The following ZC3H3 variants were observed in gnomAD, a reference collection of about 807,000 sequenced individuals.
ZC3H3 encodes the protein zinc finger CCCH domain-containing protein 3.
A neutral mutation model predicts 77.3 loss-of-function variants in ZC3H3; 36 were observed. The ratio of observed to expected loss-of-function variants is 0.47; its 90% CI spans 0.36 to 0.61. ZC3H3 has a LOEUF of 0.61. Ranked by LOEUF, ZC3H3 falls within the 20% of genes least tolerant of loss-of-function variation. The pLI, the probability that ZC3H3 is intolerant of heterozygous loss-of-function variation, is 0.00. For synonymous variants in ZC3H3, 626 were observed against 555.2 expected, an observed-to-expected ratio of 1.13 and a Z score of -1.79; for missense variants, 1,331 against 1,312.2, an observed-to-expected ratio of 1.01 and a Z score of -0.22.
intron 9 of ZC3H3, among the ~76,000 whole-genome samples, chr8:143,458,542 C>T (rs879200770): frequency 1.5e-5 from 1 of 65,978 alleles, no homozygotes; most frequent in Non-Finnish European, 3.3e-5. Flanking sequence ...CAGTGGCTCA[C>T]GCCTGTAACC....
intron 9 of ZC3H3, among the ~76,000 whole-genome samples, chr8:143,456,618 C>A (rs920928545): frequency 2.0e-4 from 31 of 152,008 alleles, no homozygotes; most frequent in African/African-American, 6.5e-4. Context: ...ACTTATAATC[C>A]CGGCACTTTG....
intron 4 of ZC3H3, among the ~76,000 whole-genome samples, chr8:143,490,107 G>A (rs1280981211): frequency 6.6e-6 from 1 of 152,190 alleles, no homozygotes; most frequent in Admixed American, 6.5e-5. Context: ...GGCAGGTACT[G>A]GGGATGGGGC....
intron 4 of ZC3H3, among the ~76,000 whole-genome samples, chr8:143,478,010 C>T (rs751998897): frequency 7.9e-5 from 12 of 152,196 alleles, no homozygotes; most frequent in Admixed American, 2.0e-4. Flanking sequence ...TAAGTCTGCA[C>T]TCTCGGGGGA....
intron 3 of ZC3H3, among the ~76,000 whole-genome samples, chr8:143,521,286 G>A (rs972176590): frequency 6.6e-6 from 1 of 152,218 alleles, no homozygotes; most frequent in East Asian, 1.9e-4. Flanking sequence ...GATCCAGGCC[G>A]TGAAGGTGGT....
At chr8:143,443,597 G>A (rs1819800376) in intron 9 of ZC3H3, among the ~76,000 whole-genome samples, 2 of 152,130 alleles carry the variant, frequency 1.3e-5, no homozygotes, top group African/African-American at 4.8e-5. Flanking sequence ...GTTAGGGGGA[G>A]AACAGCAAAT....
chr8:143,534,427 G>A (rs534384785), intron 3 of ZC3H3, among the ~76,000 whole-genome samples: 1 of 152,086 alleles, frequency 6.6e-6, no homozygotes, highest in Non-Finnish European at 1.5e-5. Flanking sequence ...GGAGTCCGGG[G>A]GGCGCCGAGC....
At chr8:143,468,700 T>G in intron 5 of ZC3H3, 41 bp from the exon 6 acceptor site, 1 of 1,532,676 alleles carries the variant, frequency 6.5e-7, no homozygotes. Flanking sequence ...GGCCACAGCC[T>G]GGCCCGCACG....
At chr8:143,504,317 G>A (rs115433719) in intron 4 of ZC3H3, among the ~76,000 whole-genome samples, 1 of 152,220 alleles carries the variant, frequency 6.6e-6, no homozygotes, top group African/African-American at 2.4e-5. Context: ...CAGCCAAGGG[G>A]AGGGGACGGG....
chr8:143,514,608 G>C (rs2130442995), intron 3 of ZC3H3, among the ~76,000 whole-genome samples: 1 of 152,324 alleles, frequency 6.6e-6, no homozygotes, highest in East Asian at 1.9e-4. Context: ...GACGGGGCCG[G>C]GTTGCTCACC....
chr8:143,451,123 C>T (rs1365930761), intron 9 of ZC3H3, among the ~76,000 whole-genome samples: 1 of 152,098 alleles, frequency 6.6e-6, no homozygotes, highest in African/African-American at 2.4e-5. Flanking sequence ...AGGCCAAGAG[C>T]TCAAAGCACA....
intron 3 of ZC3H3, among the ~76,000 whole-genome samples, chr8:143,535,660 AG>A (rs1563887164): frequency 6.6e-6 from 1 of 152,202 alleles, no homozygotes; most frequent in East Asian, 1.9e-4. Flanking sequence ...TCAACCTCAA[AG>A]GGGCTACGCC....
intron 4 of ZC3H3, among the ~76,000 whole-genome samples, chr8:143,482,670 T>C (rs989235968): frequency 1.3e-5 from 2 of 151,898 alleles, no homozygotes; most frequent in Non-Finnish European, 2.9e-5. Flanking sequence ...GCAGCGGGGC[T>C]CAAGGAGGGA....
At chr8:143,478,702 G>A (rs1238054013) in intron 4 of ZC3H3, among the ~76,000 whole-genome samples, 1 of 152,186 alleles carries the variant, frequency 6.6e-6, no homozygotes, top group Non-Finnish European at 1.5e-5. Context: ...TAGAGATGGT[G>A]TTTCACCCCA....
intron 4 of ZC3H3, among the ~76,000 whole-genome samples, chr8:143,481,896 TG>T (rs1271335766): frequency 6.6e-6 from 1 of 152,210 alleles, no homozygotes; most frequent in Non-Finnish European, 1.5e-5. Context: ...CCCGAGGCAA[TG>T]CCCAGGCCCT....
intron 3 of ZC3H3, among the ~76,000 whole-genome samples, chr8:143,527,484 G>A (rs758627916): frequency 4.6e-5 from 7 of 152,128 alleles, no homozygotes; most frequent in South Asian, 2.1e-4. Flanking sequence ...CGGCACACAC[G>A]CGATCCCACG....
intron 9 of ZC3H3, among the ~76,000 whole-genome samples, chr8:143,443,113 C>T (rs1429888787): frequency 2.6e-5 from 4 of 151,674 alleles, no homozygotes; most frequent in African/African-American, 4.8e-5. Context: ...TCTCCTAAAC[C>T]GTCTCTACTA....
At chr8:143,518,852 C>G (rs1822147870) in intron 3 of ZC3H3, among the ~76,000 whole-genome samples, 1 of 152,268 alleles carries the variant, frequency 6.6e-6, no homozygotes, top group Non-Finnish European at 1.5e-5. Context: ...ACGGGAGCCA[C>G]AGGGGCAAGG....
chr8:143,527,982 T>A (rs1822473412), intron 3 of ZC3H3, among the ~76,000 whole-genome samples: 1 of 152,224 alleles, frequency 6.6e-6, no homozygotes, highest in Non-Finnish European at 1.5e-5. Flanking sequence ...CCCTGCCTCC[T>A]GCATCCGGCA....
chr8:143,534,297 C>T (rs1001419331), intron 3 of ZC3H3, among the ~76,000 whole-genome samples: 1 of 122,042 alleles, frequency 8.2e-6, no homozygotes, highest in Non-Finnish European at 1.8e-5. Context: ...AAAAAAAAAA[C>T]GACGAGATCA....
Sources: allele counts gnomAD v4.1 joint callset (sites outside exome capture counted in the v4.1 genomes callset), GRCh38; gene constraint gnomAD v4.1.1; transcripts MANE v1.5; gene names NCBI Gene and HGNC (gene_info 2026-07-23, HGNC 2026-07-21).